SHQ1: variants seen among roughly 807,000 people sequenced by gnomAD.
SHQ1 encodes protein SHQ1 homolog.
In SHQ1, 49 loss-of-function variants were observed where a neutral mutation model predicts 53.8. That is an observed-to-expected ratio of 0.91 (90% CI 0.72 to 1.16). The LOEUF (loss-of-function observed/expected upper bound fraction) is 1.16. SHQ1 is among the 50% of genes most tolerant of loss of function. The pLI, the probability that SHQ1 is intolerant of heterozygous loss-of-function variation, is 0.00. For synonymous variants in SHQ1, 243 were observed against 251.0 expected (o/e 0.97, Z 0.30); for missense variants, 738 against 683.1 (o/e 1.08, Z -0.90).
At position 72,793,012 on chromosome 3, in the gene SHQ1, A is replaced by G. The variant is rs1175931593; in HGVS notation, c.1085T>C (p.Leu362Pro). The change falls in exon 10 of 11, where the codon CTC becomes CCC. Residue 362 changes from leucine to proline, a missense_variant. Coordinates refer to ENST00000325599, the MANE Select transcript of SHQ1 (RefSeq NM_018130.3). ...CTGAAAAATTTTGTGAATATCCAGG[A>G]GACACTTTAAAACTGCACTTTTACC... ...QLGKSAVLKC[L>P]LDIHKIFQEN... 2 of 1,610,376 alleles carry G rather than the reference A, an allele frequency of 1.2e-6. No individual in the cohort carries two copies. The highest frequency in any genetic ancestry group is 3.3e-5 in the Admixed American group (2 of 59,702).
chr3:72,741,588 TA>T, the SHQ1 span, among the ~76,000 whole-genome samples: 42 of 143,770 alleles, frequency 2.9e-4, no homozygotes, highest in Middle Eastern at 3.5e-3. Context: ...CTGTCTCAAA[TA>T]AAAAAAAAAA....
intron 9 of SHQ1, among the ~76,000 whole-genome samples, chr3:72,796,101 CAAAAAAAAAAAAAAA>C (rs555086403): frequency 2.5e-5 from 1 of 40,532 alleles, no homozygotes; most frequent in Non-Finnish European, 5.7e-5. Flanking sequence ...GACTCCATCT[CAAAAAAAAAAAAAAA>C]AAAAAAAAGA....
At chr3:72,836,108 T>C (rs987658149) in intron 4 of SHQ1, among the ~76,000 whole-genome samples, 1 of 152,230 alleles carries the variant, frequency 6.6e-6, no homozygotes, top group Non-Finnish European at 1.5e-5. Context: ...TAGAAACTGT[T>C]CTGGGTGCCA....
At chr3:72,753,533 C>A in intron 10 of SHQ1, 1 of 985,416 alleles carries the variant, frequency 1.0e-6, no homozygotes, top group East Asian at 1.1e-4. Context: ...AGCACCACTG[C>A]AGTGTCCAAG....
At chr3:72,761,499 A>T (rs1705608380) in intron 10 of SHQ1, among the ~76,000 whole-genome samples, 1 of 152,186 alleles carries the variant, frequency 6.6e-6, no homozygotes, top group Non-Finnish European at 1.5e-5. Flanking sequence ...GATGTATTTG[A>T]ATAATATAGT....
chr3:72,749,141 T>G (rs1266198956), downstream of SHQ1: 1 of 183,888 alleles, frequency 5.4e-6, no homozygotes, highest in Non-Finnish European at 1.2e-5. Flanking sequence ...TTGGTGGGAA[T>G]GTAAAATGGT....
chr3:72,833,527 TGATAGACAGATAGATA>T (rs1707900661), intron 4 of SHQ1, among the ~76,000 whole-genome samples: 2 of 133,212 alleles, frequency 1.5e-5, no homozygotes, highest in Admixed American at 8.1e-5. Context: ...GATAGATGGA[TGATAGACAGATAGATA>T]GATAGATAGA....
chr3:72,793,234 A>G, intron 9 of SHQ1, 198 bp from the exon 10 acceptor site: 2 of 430,730 alleles, frequency 4.6e-6, no homozygotes, highest in South Asian at 2.9e-5. Flanking sequence ...TTGGCCAGGC[A>G]CAGTGGCTCA....
intron 10 of SHQ1, among the ~76,000 whole-genome samples, chr3:72,789,790 A>G (rs573357480): frequency 6.6e-5 from 10 of 152,344 alleles, no homozygotes; most frequent in African/African-American, 1.4e-4. Flanking sequence ...GAGGTGCCCA[A>G]TGATCTCTCA....
chr3:72,818,798 G>C (rs62249862), intron 6 of SHQ1, among the ~76,000 whole-genome samples: 33,112 of 152,044 alleles, frequency 0.22, 3,822 homozygotes, highest in Non-Finnish European at 0.24. Context: ...GGTGAAGTGA[G>C]AGAGCCTGTG....
chr3:72,786,276 C>A (rs1052846240), intron 10 of SHQ1, among the ~76,000 whole-genome samples: 1 of 152,192 alleles, frequency 6.6e-6, no homozygotes, highest in Admixed American at 6.5e-5. Context: ...TCATTCCCCA[C>A]AATCACCTGA....
At position 72,848,310 on chromosome 3, in the gene SHQ1, C is replaced by G; in HGVS notation, c.31G>C (p.Asp11His). MLTPAFDLSQDPDFLTIAIRV... is the reference protein window; with the variant it reads MLTPAFDLSQHPDFLTIAIRV... ...ATGGCGATAGTCAGGAAGTCCGGAT[C>G]CTGGCTGAGGTCGAACGCCGGGGTC... The change falls in exon 1 of 11, where the codon GAT becomes CAT. Residue 11 changes from aspartate to histidine, a missense_variant. Asp to His is a moderately conservative substitution (Grantham distance 81). Coordinates refer to ENST00000325599, the MANE Select transcript of SHQ1 (RefSeq NM_018130.3). 1.9e-6 allele frequency: 3 copies of G among 1,614,138 alleles called. No homozygotes were observed. The highest frequency in any genetic ancestry group is 2.5e-6 in the Non-Finnish European group (3 of 1,180,026).
At chr3:72,801,868 C>G (rs953599807) in intron 9 of SHQ1, among the ~76,000 whole-genome samples, 2 of 152,042 alleles carry the variant, frequency 1.3e-5, no homozygotes, top group Non-Finnish European at 2.9e-5. Flanking sequence ...TTCTAAAAAG[C>G]CAAGGAAAGA....
rs766077592 is a variant in SHQ1, at chr3:72,848,196, G to T, written c.143+2C>A. The T allele has an allele frequency of 6.2e-7, 1 of 1,614,124 alleles. No individual in the cohort carries two copies. The highest frequency in any genetic ancestry group is 8.5e-7 in the Non-Finnish European group (1 of 1,180,022). ...TCCTGCGGCCAGGCACCCCGAACTC[G>T]CCTGAGAAAGTATGGCTTGGCGTAG... On this transcript the variant is annotated splice_donor_variant, in intron 1 of 10. Transcript: ENST00000325599. LOFTEE classifies it high-confidence loss of function.
At chr3:72,747,901 A>G (rs1705283346), downstream of SHQ1, among the ~76,000 whole-genome samples, 1 of 152,094 alleles carries the variant, frequency 6.6e-6, no homozygotes. Flanking sequence ...AGGCAGGAGA[A>G]TCACTTGAAC....
rs1002149032 is a variant in SHQ1, at chr3:72,842,413, A to T, written c.209-11T>A. ...GAATGGTAAAAATTCCTTAAAGATA[A>T]ATTTGTTTTATGCTTAGATTAAAAT... On this transcript the variant is annotated splice_polypyrimidine_tract_variant and intron_variant, in intron 2 of 10. Coordinates refer to ENST00000325599, the MANE Select transcript of SHQ1 (RefSeq NM_018130.3). The T allele has an allele frequency of 6.2e-7, 1 of 1,611,354 alleles. No individual in the cohort carries two copies.
intron 10 of SHQ1, among the ~76,000 whole-genome samples, chr3:72,767,053 TG>T (rs1705745745): frequency 6.6e-6 from 1 of 152,154 alleles, no homozygotes; most frequent in Non-Finnish European, 1.5e-5. Context: ...CTAATTTGTT[TG>T]ACAAAGATGA....
chr3:72,830,090 T>C (rs1388607063), intron 5 of SHQ1, among the ~76,000 whole-genome samples: 2 of 148,040 alleles, frequency 1.4e-5, no homozygotes, highest in African/African-American at 5.1e-5. Context: ...TGCCCAGCAC[T>C]ATAGTGAGCT....
At chr3:72,807,299 G>A (rs1706983396) in intron 9 of SHQ1, among the ~76,000 whole-genome samples, 1 of 152,298 alleles carries the variant, frequency 6.6e-6, no homozygotes, top group South Asian at 2.1e-4. Context: ...AACCCTGGTA[G>A]TTGTGTAATT....
Sources: gnomAD v4.1 joint callset for allele counts (sites outside exome capture counted in the v4.1 genomes callset) on GRCh38, gnomAD v4.1.1 for gene constraint, MANE v1.5 for transcripts, NCBI Gene and HGNC (gene_info 2026-07-23, HGNC 2026-07-21) for gene names.